The following TMEM132D variants were observed in gnomAD, a reference collection of about 807,000 sequenced individuals.
TMEM132D encodes the protein mature OL transmembrane protein.
A neutral mutation model predicts 62.3 loss-of-function variants in TMEM132D; 21 were observed. The ratio of observed to expected loss-of-function variants is 0.34; its 90% confidence interval spans 0.24 to 0.49. The LOEUF (loss-of-function observed/expected upper bound fraction) is 0.49, where lower values mean the gene tolerates loss of function less well. TMEM132D is among the 20% of genes least tolerant of loss of function. TMEM132D has a pLI of 0.99. For synonymous variants in TMEM132D, 621 were observed against 575.6 expected (o/e 1.08, Z -1.13); for missense variants, 1,346 against 1,402.8 (o/e 0.96, Z 0.65).
At chr12:129,723,999 C>A (rs560396445) in intron 1 of TMEM132D, among the ~76,000 whole-genome samples, 2 of 152,080 alleles carry the variant, frequency 1.3e-5, no homozygotes, top group South Asian at 2.1e-4. Context: ...TATGTCAAGA[C>A]GGGGGAGATT....
At chr12:129,263,630 T>C (rs999296274) in intron 4 of TMEM132D, among the ~76,000 whole-genome samples, 1 of 151,744 alleles carries the variant, frequency 6.6e-6, no homozygotes, top group Admixed American at 6.6e-5. Flanking sequence ...GATGGGCATA[T>C]AGAGAGGGAG....
At chr12:129,420,306 G>GGTTTTT (rs1457529737) in intron 3 of TMEM132D, among the ~76,000 whole-genome samples, 6 of 112,292 alleles carry the variant, frequency 5.3e-5, no homozygotes, top group African/African-American at 2.4e-4. Flanking sequence ...CACGTTCTCT[G>GGTTTTT]TTTTTTTTTT....
intron 2 of TMEM132D, among the ~76,000 whole-genome samples, chr12:129,601,240 A>G (rs1015982515): frequency 6.6e-5 from 10 of 152,278 alleles, no homozygotes; most frequent in Middle Eastern, 3.4e-3. Flanking sequence ...TTTCTTCTTC[A>G]GCTTCCTCAT....
intron 3 of TMEM132D, among the ~76,000 whole-genome samples, chr12:129,481,973 G>C (rs1874442258): frequency 6.6e-6 from 1 of 152,214 alleles, no homozygotes; most frequent in Non-Finnish European, 1.5e-5. Flanking sequence ...TCAGAGGCTT[G>C]ATTTTCTCAG....
At chr12:129,248,776 A>G (rs1271139973) in intron 4 of TMEM132D, among the ~76,000 whole-genome samples, 1 of 152,100 alleles carries the variant, frequency 6.6e-6, no homozygotes, top group Non-Finnish European at 1.5e-5. Flanking sequence ...TGTTGTCATC[A>G]TTGTGAGAAC....
At position 129,903,152 on chromosome 12, in the gene TMEM132D, C is replaced by A; in HGVS notation, c.79+109G>T. ...ACACATGCACACAAGCGCGCACACA[C>A]ACTTGCACACGAGCCCTCTCTCCCG... On this transcript the variant is annotated intron_variant, in intron 1 of 8. Transcript: ENST00000422113. The surrounding 1 kb of genome is among the most constrained non-coding windows in gnomAD (Gnocchi z 6.2). The A allele has an allele frequency of 8.5e-7, 1 of 1,174,724 alleles. No individual in the cohort carries two copies. Among genetic ancestry groups the A allele is most frequent in the South Asian group, 1.4e-5 (1 of 70,460 alleles). The allele number at this position is 1,174,724 out of a possible 1,614,324, so 72.8% of individuals were successfully genotyped here.
intron 4 of TMEM132D, among the ~76,000 whole-genome samples, chr12:129,265,073 C>A (rs1403230460): frequency 1.3e-5 from 2 of 152,072 alleles, no homozygotes; most frequent in South Asian, 4.1e-4. Context: ...AAAAAAAAAT[C>A]CTCCAAAACA....
intron 4 of TMEM132D, among the ~76,000 whole-genome samples, chr12:129,269,428 A>G (rs1880792551): frequency 6.9e-6 from 1 of 144,278 alleles, no homozygotes; most frequent in African/African-American, 2.6e-5. Context: ...CCTTCCTTCC[A>G]TCTCCCCTGT....
At chr12:129,254,865 T>C (rs1880361016) in intron 4 of TMEM132D, among the ~76,000 whole-genome samples, 2 of 152,272 alleles carry the variant, frequency 1.3e-5, no homozygotes, top group South Asian at 4.2e-4. Context: ...AGGCTGTCCA[T>C]ATGTAGTAGT....
intron 4 of TMEM132D, among the ~76,000 whole-genome samples, chr12:129,286,096 T>C (rs1315163593): frequency 6.6e-6 from 1 of 152,238 alleles, no homozygotes; most frequent in East Asian, 1.9e-4. Context: ...TGTCCAATTC[T>C]GGAAAGAAAG....
At chr12:129,166,995 C>T (rs940127937) in intron 5 of TMEM132D, among the ~76,000 whole-genome samples, 4 of 151,818 alleles carry the variant, frequency 2.6e-5, no homozygotes, top group Non-Finnish European at 1.5e-5. Context: ...AAAACCCTGT[C>T]TCTACTGAAA....
intron 1 of TMEM132D, among the ~76,000 whole-genome samples, chr12:129,815,486 G>T (rs1311514203): frequency 6.6e-6 from 1 of 152,202 alleles, no homozygotes; most frequent in African/African-American, 2.4e-5. Flanking sequence ...TTCTGGGGGG[G>T]TGACTGTCTC....
intron 4 of TMEM132D, among the ~76,000 whole-genome samples, chr12:129,282,317 C>T (rs1399163505): frequency 1.3e-5 from 2 of 152,082 alleles, no homozygotes; most frequent in South Asian, 2.1e-4. Flanking sequence ...AGGCAGAGCC[C>T]GGTTGCTGAC....
chr12:129,344,547 C>T (rs1869618898), intron 3 of TMEM132D, among the ~76,000 whole-genome samples: 1 of 152,118 alleles, frequency 6.6e-6, no homozygotes, highest in African/African-American at 2.4e-5. Flanking sequence ...GGATGCTTGA[C>T]CAACCTTGGC....
At chr12:129,868,327 A>C (rs552647711) in intron 1 of TMEM132D, among the ~76,000 whole-genome samples, 1 of 152,338 alleles carries the variant, frequency 6.6e-6, no homozygotes, top group African/African-American at 2.4e-5. Context: ...CCAAAAAGCC[A>C]ATAACTATAT....
At chr12:129,219,225 A>T (rs1255402630) in intron 4 of TMEM132D, among the ~76,000 whole-genome samples, 1 of 152,128 alleles carries the variant, frequency 6.6e-6, no homozygotes, top group Non-Finnish European at 1.5e-5. Context: ...GGTCTTTCCC[A>T]TGCTTTTCTT....
rs574896228 is a variant in TMEM132D at position 129,589,526 on chromosome 12, C to T, written c.969-58321G>A. On this transcript the variant is annotated intron_variant, in intron 2 of 8. Coordinates refer to ENST00000422113, the MANE Select transcript of TMEM132D (RefSeq NM_133448.3). ...AAGTATACAAATAAGTATTCACTTC[C>T]AGCTGTCCTTCTTGCTATCTCCTGC... Among the ~76,000 whole-genome samples the T allele has an allele frequency of 5.3e-5, 8 of 152,284 alleles. No individual in the cohort carries two copies. In the South Asian group the frequency reaches 1.7e-3, roughly 32 times the overall value.
At chr12:129,271,309 A>G (rs1479403696) in intron 4 of TMEM132D, among the ~76,000 whole-genome samples, 1 of 151,560 alleles carries the variant, frequency 6.6e-6, no homozygotes, top group Non-Finnish European at 1.5e-5. Context: ...ATCAGAACAG[A>G]ACCCTTTCCT....
intron 5 of TMEM132D, among the ~76,000 whole-genome samples, chr12:129,206,039 C>T (rs1262379962): frequency 2.6e-5 from 4 of 152,138 alleles, no homozygotes; most frequent in Non-Finnish European, 5.9e-5. Flanking sequence ...GGACACAGAA[C>T]TTGGCAAAGA....
Sources: gnomAD v4.1 joint callset for allele counts (sites outside exome capture counted in the v4.1 genomes callset) on GRCh38, gnomAD v4.1.1 for gene constraint, Gnocchi (gnomAD v3.1) non-coding constraint, MANE v1.5 for transcripts, NCBI Gene and HGNC (gene_info 2026-07-23, HGNC 2026-07-21) for gene names.